TENM1: variants seen among roughly 807,000 people sequenced by gnomAD.
TENM1 encodes the protein teneurin-1.
In TENM1, 35 loss-of-function variants were observed where a neutral mutation model predicts 174.8. The observed-to-expected ratio is 0.20, with a 90% CI of 0.15 to 0.27. The LOEUF (loss-of-function observed/expected upper bound fraction) is 0.27. TENM1 is among the 10% of genes least tolerant of loss of function. The pLI is 1.00. For synonymous variants in TENM1, 781 were observed against 798.7 expected, an observed-to-expected ratio of 0.98 and a Z score of 0.37; for missense variants, 1,633 against 2,130.1, an observed-to-expected ratio of 0.77 and a Z score of 4.59.
chrX:124,517,350 G>A (rs1321775408), intron 18 of TENM1, among the ~76,000 whole-genome samples: 1 of 110,059 alleles, frequency 9.1e-6, no homozygotes, highest in African/African-American at 3.3e-5. Flanking sequence ...CTGCTATAAA[G>A]ACACATGCAC....
chrX:124,559,460 G>C (rs760201497), intron 14 of TENM1, among the ~76,000 whole-genome samples: 4 of 111,066 alleles, frequency 3.6e-5, no homozygotes, highest in Non-Finnish European at 7.5e-5. Context: ...TTGAGCCCAG[G>C]AGTTTGAGAC....
At chrX:124,501,133 C>T (rs1359392893) in intron 19 of TENM1, among the ~76,000 whole-genome samples, 1 of 111,723 alleles carries the variant, frequency 9.0e-6, no homozygotes, top group African/African-American at 3.2e-5. Flanking sequence ...GTAAAAGATA[C>T]ACCAAACAAA....
Position 124,413,435 on chromosome X carries a change from A to G in TENM1, c.4982+6876T>C, listed in dbSNP as rs768725854. ...AGTATAAATAGGATGCTGCCAGTGAAAAAAAGGATGGGGGTGGATATGAGA... is the reference window on the plus strand; with the variant it reads ...AGTATAAATAGGATGCTGCCAGTGAGAAAAAGGATGGGGGTGGATATGAGA... On this transcript the variant is annotated intron_variant, in intron 25 of 31. Transcript: ENST00000422452. Among the ~76,000 whole-genome samples the G allele has an allele frequency of 9.0e-5, 10 of 111,299 alleles. No individual in the cohort carries two copies. The South Asian group carries it at 3.9e-3, about 43-fold the overall frequency.
At chrX:124,583,941 G>A (rs1446292847) in intron 11 of TENM1, among the ~76,000 whole-genome samples, 1 of 107,723 alleles carries the variant, frequency 9.3e-6, no homozygotes, top group Admixed American at 1.0e-4. Context: ...ATCAGTGATG[G>A]AAGATGAAAT....
chrX:124,548,841 G>A (rs1330495640), intron 14 of TENM1, among the ~76,000 whole-genome samples: 1 of 111,423 alleles, frequency 9.0e-6, no homozygotes. Context: ...GAGAGTAGAC[G>A]TTTGGAACAG....
intron 19 of TENM1, among the ~76,000 whole-genome samples, chrX:124,500,775 T>TA (rs1222786512): frequency 4.5e-5 from 5 of 112,123 alleles, no homozygotes; most frequent in African/African-American, 1.6e-4. Flanking sequence ...ATGTCTGAAA[T>TA]AAAAAATCTC....
At chrX:124,653,870 C>A (rs373462921) in intron 6 of TENM1, 87 bp from the exon 10 acceptor site, 15 of 804,488 alleles carry the variant, frequency 1.9e-5, no homozygotes, top group Non-Finnish European at 2.3e-5. Context: ...ACAGATATAT[C>A]AAAATAACTT....
intron 11 of TENM1, among the ~76,000 whole-genome samples, chrX:124,600,558 A>G (rs56277498): frequency 0.049 from 5,413 of 111,228 alleles, 143 homozygotes; most frequent in South Asian, 0.24. Flanking sequence ...AAGATACCAT[A>G]TTAATTAAAT....
At chrX:125,077,994 C>A in the TENM1 span, among the ~76,000 whole-genome samples, 1 of 111,490 alleles carries the variant, frequency 9.0e-6, no homozygotes, top group Non-Finnish European at 1.9e-5. Flanking sequence ...AATGGAAAAT[C>A]AGAACTACAT....
At chrX:125,028,876 A>T in the TENM1 span, among the ~76,000 whole-genome samples, 2 of 111,797 alleles carry the variant, frequency 1.8e-5, no homozygotes, top group African/African-American at 6.5e-5. Flanking sequence ...GTAACGTTTT[A>T]TTCTTGAAAA....
intron 11 of TENM1, among the ~76,000 whole-genome samples, chrX:124,570,427 C>T (rs1341724458): frequency 1.8e-5 from 2 of 111,243 alleles, no homozygotes; most frequent in African/African-American, 6.5e-5. Context: ...TCATGAAGAT[C>T]TCATTCATGG....
chrX:124,937,423 A>G (rs12842370), intron 1 of TENM1, among the ~76,000 whole-genome samples: 18,597 of 111,310 alleles, frequency 0.17, 1,569 homozygotes, highest in East Asian at 0.5. Context: ...TGCAATGCTC[A>G]GCAAATAAAT....
At chrX:124,606,145 T>TA (rs2050151354) in intron 11 of TENM1, among the ~76,000 whole-genome samples, 1 of 111,139 alleles carries the variant, frequency 9.0e-6, no homozygotes, top group Admixed American at 9.6e-5. Context: ...GGGATCCAGT[T>TA]AAAAAATGCA....
At chrX:125,033,357 T>C in the TENM1 span, among the ~76,000 whole-genome samples, 5 of 111,792 alleles carry the variant, frequency 4.5e-5, no homozygotes, top group Non-Finnish European at 9.4e-5. Context: ...TGACAGATAC[T>C]AGGTAAAGAC....
chrX:125,016,344 T>C, the TENM1 span, among the ~76,000 whole-genome samples: 1 of 111,416 alleles, frequency 9.0e-6, no homozygotes, highest in Non-Finnish European at 1.9e-5. Context: ...CTCCTTAAGT[T>C]GATAAGCAAC....
At chrX:124,851,972 T>C (rs1233332847) in intron 3 of TENM1, among the ~76,000 whole-genome samples, 2 of 110,788 alleles carry the variant, frequency 1.8e-5, no homozygotes, top group Non-Finnish European at 3.8e-5. Flanking sequence ...CCTTGTGAGA[T>C]TTAGAGATCT....
chrX:125,085,984 T>C, the TENM1 span, among the ~76,000 whole-genome samples: 1 of 111,167 alleles, frequency 9.0e-6, no homozygotes, highest in African/African-American at 3.2e-5. Context: ...TTAAAATATT[T>C]AACTCTTAAA....
At chrX:125,146,056 A>AAT in the TENM1 span, among the ~76,000 whole-genome samples, 1 of 112,176 alleles carries the variant, frequency 8.9e-6, no homozygotes, top group Admixed American at 9.4e-5. Context: ...CTTTAGAGTC[A>AAT]TTAGACAACC....
chrX:124,472,388 T>G (rs756594021), intron 22 of TENM1, among the ~76,000 whole-genome samples: 1 of 106,320 alleles, frequency 9.4e-6, no homozygotes, highest in Non-Finnish European at 1.9e-5. Context: ...CCTGGGTTTT[T>G]TTTTTTTTTT....
Sources: allele counts gnomAD v4.1 joint callset (sites outside exome capture counted in the v4.1 genomes callset), GRCh38; gene constraint gnomAD v4.1.1; transcripts MANE v1.5; gene names NCBI Gene and HGNC (gene_info 2026-07-23, HGNC 2026-07-21).